NBEAL1: variants seen among roughly 807,000 people sequenced by gnomAD.
The protein encoded by NBEAL1 is neurobeachin like 1.
In NBEAL1, 273 loss-of-function variants were observed where a neutral mutation model predicts 351.3. That is an observed-to-expected ratio of 0.78 (90% CI 0.70 to 0.86). The LOEUF (loss-of-function observed/expected upper bound fraction) is 0.86, where lower values mean the gene tolerates loss of function less well. NBEAL1 is among the 40% of genes least tolerant of loss of function. The pLI is 0.00. For synonymous variants in NBEAL1, 1,050 were observed against 1,086.4 expected (o/e 0.97, Z 0.66); for missense variants, 2,961 against 3,201.3 (o/e 0.92, Z 1.81).
chr2:203,205,175 A>G lies in NBEAL1; in HGVS notation c.7506+2394A>G, dbSNP rs115490859. Among the ~76,000 whole-genome samples the G allele has an allele frequency of 3.9e-3, 591 of 152,118 alleles. 3 individuals carry two copies. The highest frequency in any genetic ancestry group is 0.013 in the African/African-American group (542 of 41,522). On this transcript the variant is annotated intron_variant, in intron 51 of 55. Transcript: ENST00000683969. ...TTTAAGTATTTAGCTTACTTCTATT[A>G]TTTTTTTCTTTTGGTAACTTTATAG...
chr2:203,143,655 A>G (rs2063437346), intron 31 of NBEAL1, among the ~76,000 whole-genome samples: 1 of 152,138 alleles, frequency 6.6e-6, no homozygotes. Flanking sequence ...TCATATCCAG[A>G]GAAAGAGAGT....
intron 43 of NBEAL1, chr2:203,181,445 T>C (rs540674372): frequency 6.6e-6 from 1 of 152,256 alleles, no homozygotes; most frequent in Non-Finnish European, 1.5e-5. Flanking sequence ...AAAATTTATG[T>C]TATGTTTTTG....
intron 33 of NBEAL1, among the ~76,000 whole-genome samples, chr2:203,147,670 G>A (rs902688992): frequency 1.3e-5 from 2 of 151,932 alleles, no homozygotes; most frequent in African/African-American, 2.4e-5. Context: ...TTCCCATGCC[G>A]GGCTGCAAAG....
In NBEAL1 at chr2:203,113,148, C is replaced by T; in HGVS notation, c.2336C>T (p.Ala779Val). 1 of 1,553,306 alleles carries T rather than the reference C, an allele frequency of 6.4e-7. No individual in the cohort carries two copies. The highest frequency in any genetic ancestry group is 8.7e-7 in the Non-Finnish European group (1 of 1,147,394). ...RTSFGGILSS[A>V]SWGGTIEKSK... ...TCATTTGGTGGAATTCTGTCATCAG[C>T]CTCCTGGGGAGGAACAATTGAAAAA... The change falls in exon 17 of 56, where the codon GCC becomes GTC. Residue 779 changes from alanine (A) to valine (V), a missense_variant. By Grantham distance (64) the Ala-to-Val change is moderately conservative (BLOSUM62 0). Coordinates refer to ENST00000683969, the MANE Select transcript of NBEAL1 (RefSeq NM_001378026.1).
At chr2:203,140,076 G>A (rs1352826167) in intron 31 of NBEAL1, among the ~76,000 whole-genome samples, 2 of 151,900 alleles carry the variant, frequency 1.3e-5, no homozygotes, top group East Asian at 3.9e-4. Flanking sequence ...CGAGGCGGGC[G>A]GATCACCTGA....
intron 2 of NBEAL1, among the ~76,000 whole-genome samples, chr2:203,021,700 A>G (rs1477578670): frequency 6.6e-6 from 1 of 152,080 alleles, no homozygotes; most frequent in Non-Finnish European, 1.5e-5. Flanking sequence ...GCTGAGAACA[A>G]TTTTTGTTTC....
In NBEAL1 at chr2:203,144,626, A is replaced by G; in HGVS notation, c.4875A>G (p.Leu1625=). Residue 1625 remains leucine (L), a synonymous_variant, in exon 32 of 56, where the codon CTA becomes CTG. Coordinates refer to ENST00000683969, the MANE Select transcript of NBEAL1 (RefSeq NM_001378026.1). ...LQVCAMASAK[L]NTLLQTKVIE... ...TTTGTGCAATGGCATCAGCTAAGCT[A>G]AATACCCTTCTTCAGACCAAAGTGA... 1 of 1,613,978 alleles carries G rather than the reference A, an allele frequency of 6.2e-7. No individual in the cohort carries two copies. Among genetic ancestry groups the G allele is most frequent in the Non-Finnish European group, 8.5e-7 (1 of 1,179,910 alleles).
chr2:203,049,624 C>G (rs950045631), intron 3 of NBEAL1, among the ~76,000 whole-genome samples, 190 bp from the exon 4 acceptor site: 2 of 151,988 alleles, frequency 1.3e-5, no homozygotes, highest in Non-Finnish European at 2.9e-5. Flanking sequence ...CTTCTAGTTA[C>G]TTCTAGTTAC....
intron 53 of NBEAL1, among the ~76,000 whole-genome samples, chr2:203,209,749 T>TG (rs1553507784): frequency 3.7e-5 from 1 of 27,024 alleles, no homozygotes; most frequent in African/African-American, 7.0e-5. Context: ...GTGTGTGTAT[T>TG]TTTTTCTGAG....
At position 203,056,462 on chromosome 2, in the gene NBEAL1, C is replaced by T. The variant is rs1033608273; in HGVS notation, c.341C>T (p.Ser114Leu). ...LSNVEEIGTC[S>L]YINYVITMTT... ...AATGTGGAAGAAATTGGGACTTGCT[C>T]GTACATTAATTATGTCATCACCATG... is the stretch of plus-strand genomic sequence containing the variant. Residue 114 changes from serine to leucine, a missense_variant, in exon 5 of 56, where the codon TCG becomes TTG. Ser to Leu is a moderately radical substitution (Grantham distance 145, BLOSUM62 -2). Transcript: ENST00000683969. The T allele has an allele frequency of 1.0e-5, 16 of 1,550,674 alleles. No individual in the cohort carries two copies. The highest frequency in any genetic ancestry group is 3.6e-5 in the South Asian group (3 of 84,248).
At chr2:203,028,343 A>G (rs1574864182) in intron 2 of NBEAL1, among the ~76,000 whole-genome samples, 1 of 152,012 alleles carries the variant, frequency 6.6e-6, no homozygotes, top group African/African-American at 2.4e-5. Context: ...TTTATGTTCT[A>G]AGAAAAAATA....
At chr2:203,162,827 G>A (rs2064009470) in intron 36 of NBEAL1, among the ~76,000 whole-genome samples, 1 of 151,990 alleles carries the variant, frequency 6.6e-6, no homozygotes, top group Admixed American at 6.6e-5. Flanking sequence ...CAAATAAATA[G>A]AGCAGTGACC....
intron 4 of NBEAL1, among the ~76,000 whole-genome samples, chr2:203,054,802 A>G (rs979166343): frequency 5.9e-5 from 9 of 152,174 alleles, no homozygotes; most frequent in African/African-American, 2.2e-4. Context: ...TAATACAGTG[A>G]ATGATTGAGC....
At chr2:203,020,146 A>C (rs900788235) in intron 2 of NBEAL1, among the ~76,000 whole-genome samples, 1 of 152,092 alleles carries the variant, frequency 6.6e-6, no homozygotes, top group Non-Finnish European at 1.5e-5. Context: ...CATACTTACC[A>C]TTTCTTTGTG....
chr2:203,121,613 C>T (rs1435949493), intron 18 of NBEAL1, among the ~76,000 whole-genome samples: 2 of 149,382 alleles, frequency 1.3e-5, no homozygotes, highest in Admixed American at 6.7e-5. Context: ...GATCACACCA[C>T]TGCACTCTAG....
chr2:203,090,178 T>G (rs2106184248), intron 10 of NBEAL1, among the ~76,000 whole-genome samples: 1 of 152,294 alleles, frequency 6.6e-6, no homozygotes, highest in Non-Finnish European at 1.5e-5. Flanking sequence ...AGTTCTCATG[T>G]AAGAAATAGG....
intron 24 of NBEAL1, among the ~76,000 whole-genome samples, chr2:203,129,975 G>A (rs908042441): frequency 4.6e-5 from 7 of 152,206 alleles, no homozygotes; most frequent in South Asian, 2.1e-4. Flanking sequence ...TAGCCTGGGC[G>A]GCATGACGAA....
chr2:203,195,296 ACC>A (rs1240050226), intron 47 of NBEAL1, among the ~76,000 whole-genome samples: 2 of 152,184 alleles, frequency 1.3e-5, no homozygotes, highest in Non-Finnish European at 2.9e-5. Flanking sequence ...TATGGGGTAC[ACC>A]ACTGTATTTT....
rs569589711 is a variant in NBEAL1, at chr2:203,208,497, G to A, written c.7507-140G>A. On this transcript the variant is annotated intron_variant, in intron 51 of 55. Transcript: ENST00000683969. The stretch of plus-strand genomic sequence containing the variant: ...AATCCAAGTAGAAATGTAAGAATGA[G>A]TACTATTATGAATAGACTCAGTGGT... The A allele has an allele frequency of 2.0e-4, 119 of 596,210 alleles. No individual in the cohort carries two copies. The African/African-American group carries it at 2.2e-3, about 11-fold the overall frequency. 36.9% of individuals were successfully genotyped at this position (596,210 alleles called of 1,614,324 possible).
Sources: allele counts gnomAD v4.1 joint callset (sites outside exome capture counted in the v4.1 genomes callset), GRCh38; gene constraint gnomAD v4.1.1; transcripts MANE v1.5; gene names NCBI Gene and HGNC (gene_info 2026-07-23, HGNC 2026-07-21).